Variants in HMBOX1 observed in about 807,000 individuals in gnomAD.
HMBOX1 encodes homeobox-containing protein 1.
Under a neutral mutation model 54.5 loss-of-function variants are expected in HMBOX1, and 14 were observed. That is an observed-to-expected ratio of 0.26 (90% CI 0.17 to 0.40). HMBOX1 has a LOEUF of 0.40. Ranked by LOEUF, HMBOX1 falls within the 10% of genes least tolerant of loss-of-function variation. HMBOX1 has a pLI of 1.00. For missense variants in HMBOX1, 332 were observed against 514.4 expected, an observed-to-expected ratio of 0.65 and a Z score of 3.43; for synonymous variants, 160 against 181.0, an observed-to-expected ratio of 0.88 and a Z score of 0.93.
At chr8:28,999,445 GT>G (rs1317497755) in intron 4 of HMBOX1, among the ~76,000 whole-genome samples, 5 of 152,128 alleles carry the variant, frequency 3.3e-5, no homozygotes, top group Non-Finnish European at 5.9e-5. Flanking sequence ...AATTTGGGAA[GT>G]TTTGGTCACT....
intron 4 of HMBOX1, among the ~76,000 whole-genome samples, chr8:28,999,654 T>C (rs1455664202): frequency 2.0e-5 from 3 of 152,136 alleles, no homozygotes; most frequent in Non-Finnish European, 4.4e-5. Context: ...TTCTTCCAGT[T>C]CATATCTACC....
At chr8:28,955,952 A>G (rs1377017528) in intron 1 of HMBOX1, 1 of 68,014 alleles carries the variant, frequency 1.5e-5, no homozygotes, top group Non-Finnish European at 3.0e-5. Flanking sequence ...GACTCTGTCT[A>G]GGAAAAAAAA....
chr8:28,923,278 T>A (rs1817859271), intron 1 of HMBOX1, among the ~76,000 whole-genome samples: 1 of 152,224 alleles, frequency 6.6e-6, no homozygotes, highest in African/African-American at 2.4e-5. Flanking sequence ...TCACGCAGTA[T>A]ACTACTATTT....
intron 1 of HMBOX1, among the ~76,000 whole-genome samples, chr8:28,931,501 G>A (rs915125579): frequency 6.6e-6 from 1 of 152,056 alleles, no homozygotes; most frequent in African/African-American, 2.4e-5. Context: ...CCCCTTCTCA[G>A]TGGGATAGAG....
At chr8:29,028,545 C>T (rs1012739184) in intron 6 of HMBOX1, among the ~76,000 whole-genome samples, 1 of 152,062 alleles carries the variant, frequency 6.6e-6, no homozygotes, top group Non-Finnish European at 1.5e-5. Flanking sequence ...CTCCTCTTTA[C>T]TTTTAATTTT....
intron 1 of HMBOX1, among the ~76,000 whole-genome samples, chr8:28,953,630 C>T (rs1218418119): frequency 6.6e-6 from 1 of 151,006 alleles, no homozygotes; most frequent in Admixed American, 6.6e-5. Flanking sequence ...GTTTCTATGT[C>T]TAGTCTGGAT....
chr8:28,959,259 C>G (rs1825038985), intron 1 of HMBOX1, among the ~76,000 whole-genome samples: 2 of 151,908 alleles, frequency 1.3e-5, no homozygotes. Flanking sequence ...GGCCATCATT[C>G]TGTAGAATAA....
At chr8:28,977,784 CA>C (rs998123130) in intron 3 of HMBOX1, among the ~76,000 whole-genome samples, 10 of 147,788 alleles carry the variant, frequency 6.8e-5, no homozygotes, top group Non-Finnish European at 9.0e-5. Flanking sequence ...ACTAAAAATA[CA>C]AAAAAAAAAT....
intron 1 of HMBOX1, among the ~76,000 whole-genome samples, chr8:28,923,727 T>C (rs1261977591): frequency 1.3e-5 from 2 of 152,194 alleles, no homozygotes; most frequent in Non-Finnish European, 2.9e-5. Context: ...CTACCAGCAA[T>C]ATATACAAGG....
rs922735807 is a variant in HMBOX1 at position 29,051,833 on chromosome 8, A to G, written c.*678A>G. 8 of 418,740 alleles carry G rather than the reference A, an allele frequency of 1.9e-5. No individual in the cohort carries two copies. Among genetic ancestry groups the G allele is most frequent in the Admixed American group, 1.0e-4 (3 of 29,358 alleles). 25.9% of individuals were successfully genotyped at this position (418,740 alleles called of 1,614,324 possible). A position where few individuals can be genotyped will look rare whatever the true frequency, so the allele number is the denominator to read the frequency against. ...CCTCTCACAAGCTGTGTGACTTAGT[A>G]GATAAAATACTGCCTTCTGCCTTTG... On this transcript the variant is annotated 3_prime_UTR_variant, in exon 10 of 10. Coordinates refer to ENST00000287701, the MANE Select transcript of HMBOX1 (RefSeq NM_001135726.3).
chr8:28,997,962 G>T (rs1045891769), intron 4 of HMBOX1, among the ~76,000 whole-genome samples: 8 of 152,144 alleles, frequency 5.3e-5, no homozygotes, highest in African/African-American at 1.4e-4. Context: ...AGAAGAGTTT[G>T]TGAAGAGTTG....
At chr8:28,944,479 G>A (rs1822053177) in intron 1 of HMBOX1, among the ~76,000 whole-genome samples, 1 of 152,176 alleles carries the variant, frequency 6.6e-6, no homozygotes, top group Admixed American at 6.5e-5. Context: ...TCTGTCTGAA[G>A]TCATTCATGG....
At chr8:28,895,520 C>T (rs992977706) in intron 1 of HMBOX1, among the ~76,000 whole-genome samples, 8 of 152,092 alleles carry the variant, frequency 5.3e-5, no homozygotes, top group Middle Eastern at 3.4e-3. Context: ...ACTGAAAAGA[C>T]AAAAATTAGC....
chr8:28,972,529 C>T (rs1827599942), intron 3 of HMBOX1, among the ~76,000 whole-genome samples: 1 of 152,162 alleles, frequency 6.6e-6, no homozygotes, highest in South Asian at 2.1e-4. Flanking sequence ...ATAAAAGTTA[C>T]TTCGCTCATT....
At chr8:29,002,070 A>G (rs764417156) in intron 4 of HMBOX1, among the ~76,000 whole-genome samples, 6 of 152,222 alleles carry the variant, frequency 3.9e-5, no homozygotes, top group Admixed American at 6.5e-5. Flanking sequence ...TGTATTGGCC[A>G]GGAATTCAGG....
rs1386726292 is a variant in HMBOX1 at position 28,990,250 on chromosome 8, C to T, written c.586+10094C>T. On this transcript the variant is annotated intron_variant, in intron 4 of 9. Coordinates refer to ENST00000287701, the MANE Select transcript of HMBOX1 (RefSeq NM_001135726.3). Reference sequence around the variant, plus strand: ...GAGTGACAAAAGCAGACATTCTTACCTTGTTCCCAGTCTTAGGGAGGAAAC... The same window carrying T: ...GAGTGACAAAAGCAGACATTCTTACTTTGTTCCCAGTCTTAGGGAGGAAAC... Among the ~76,000 whole-genome samples the T allele has an allele frequency of 5.9e-5, 9 of 152,118 alleles. No individual in the cohort carries two copies. The East Asian group carries it at 1.7e-3, about 29-fold the overall frequency.
intron 7 of HMBOX1, among the ~76,000 whole-genome samples, chr8:29,045,704 AT>A (rs1185974189): frequency 6.6e-6 from 1 of 152,150 alleles, no homozygotes; most frequent in Non-Finnish European, 1.5e-5. Context: ...TGAAATTACT[AT>A]TTTTTTAATG....
chr8:28,932,828 A>C (rs925236119), intron 1 of HMBOX1, among the ~76,000 whole-genome samples: 2 of 152,196 alleles, frequency 1.3e-5, no homozygotes, highest in African/African-American at 4.8e-5. Context: ...CCTTAACTAC[A>C]TGTCTAACTG....
chr8:28,902,464 C>T (rs1020486445), intron 1 of HMBOX1, among the ~76,000 whole-genome samples: 5 of 152,130 alleles, frequency 3.3e-5, no homozygotes, highest in Non-Finnish European at 5.9e-5. Flanking sequence ...AGGACCCAAC[C>T]GTGAGGCACA....
Sources: allele counts gnomAD v4.1 joint callset (sites outside exome capture counted in the v4.1 genomes callset), GRCh38; gene constraint gnomAD v4.1.1; transcripts MANE v1.5; gene names NCBI Gene and HGNC (gene_info 2026-07-23, HGNC 2026-07-21).